CNTLN: variants seen among roughly 807,000 people sequenced by gnomAD.
CNTLN encodes centlein, also known as centlein, centrosomal protein.
In CNTLN, 212 loss-of-function variants were observed where a neutral mutation model predicts 180.0. The ratio of observed to expected loss-of-function variants is 1.18; its 90% confidence interval spans 1.05 to 1.32. The LOEUF is 1.32. Ranked by LOEUF, CNTLN falls within the 40% of genes most tolerant of loss-of-function variation. The probability of loss-of-function intolerance (pLI) is 0.00; values close to 1 mark genes in which losing one functional copy is unlikely to be tolerated. For synonymous variants in CNTLN, 722 were observed against 563.1 expected (o/e 1.28, Z -3.99); for missense variants, 2,095 against 1,610.9 (o/e 1.30, Z -5.14).
intron 18 of CNTLN, among the ~76,000 whole-genome samples, chr9:17,452,900 T>G (rs1830868510): frequency 1.3e-5 from 2 of 152,166 alleles, no homozygotes; most frequent in Admixed American, 1.3e-4. Flanking sequence ...AAGCTTCTGG[T>G]CAGAGGCTTT....
intron 1 of CNTLN, among the ~76,000 whole-genome samples, chr9:17,140,450 T>G (rs1818010669): frequency 6.6e-6 from 1 of 152,164 alleles, no homozygotes; most frequent in Non-Finnish European, 1.5e-5. Context: ...TATGTTTTTT[T>G]CTTTGTTTTT....
chr9:17,312,157 A>G (rs952122410), intron 8 of CNTLN, among the ~76,000 whole-genome samples: 7 of 151,712 alleles, frequency 4.6e-5, no homozygotes, highest in African/African-American at 1.7e-4. Flanking sequence ...GAGCTCCTCA[A>G]TTTCTACAAA....
At chr9:17,149,740 A>G (rs1485804389) in intron 2 of CNTLN, among the ~76,000 whole-genome samples, 2 of 151,814 alleles carry the variant, frequency 1.3e-5, no homozygotes, top group Admixed American at 1.3e-4. Flanking sequence ...GATGGTCTCG[A>G]TCTCCTGATC....
intron 18 of CNTLN, among the ~76,000 whole-genome samples, chr9:17,442,143 A>G (rs1830147651): frequency 6.6e-6 from 1 of 152,172 alleles, no homozygotes; most frequent in African/African-American, 2.4e-5. Context: ...GAATCAGAGG[A>G]CTTGAACAAG....
intron 2 of CNTLN, among the ~76,000 whole-genome samples, chr9:17,198,392 T>C (rs946705494): frequency 6.6e-6 from 1 of 150,382 alleles, no homozygotes; most frequent in Non-Finnish European, 1.5e-5. Context: ...CTTTCTTTTT[T>C]TTTTTTTTTT....
chr9:17,341,458 T>A (rs1416000668), intron 11 of CNTLN, among the ~76,000 whole-genome samples: 2 of 152,178 alleles, frequency 1.3e-5, no homozygotes, highest in Non-Finnish European at 2.9e-5. Context: ...CTTATGTGAA[T>A]GAATTGGCGG....
In CNTLN at chr9:17,235,776, A is replaced by G; in HGVS notation, c.653A>G (p.Lys218Arg). The G allele has an allele frequency of 6.2e-7, 1 of 1,605,210 alleles. No individual in the cohort carries two copies. The change falls in exon 4 of 26, where the codon AAA (lysine) becomes AGA (arginine). Residue 218 changes from lysine to arginine, a missense_variant. By Grantham distance (26) the Lys-to-Arg change is conservative (BLOSUM62 2). Coordinates refer to ENST00000380647, the MANE Select transcript of CNTLN (RefSeq NM_017738.4). Reference protein sequence around the residue: ...FSDLEKKFKDKSQEIKDTKEC... With the variant: ...FSDLEKKFKDRSQEIKDTKEC... Reference sequence around the variant, plus strand: ...GACTTGGAGAAGAAATTTAAAGATAAAAGTCAAGAAATTAAGGTGTGTTGA... The same window carrying G: ...GACTTGGAGAAGAAATTTAAAGATAGAAGTCAAGAAATTAAGGTGTGTTGA...
At chr9:17,279,872 GA>G (rs1477787940) in intron 6 of CNTLN, among the ~76,000 whole-genome samples, 1 of 78,714 alleles carries the variant, frequency 1.3e-5, no homozygotes, top group Non-Finnish European at 2.5e-5. Context: ...TCTCATGAAT[GA>G]ATTAATCCAC....
At chr9:17,265,329 A>T (rs562627780) in intron 5 of CNTLN, among the ~76,000 whole-genome samples, 1 of 152,132 alleles carries the variant, frequency 6.6e-6, no homozygotes, top group East Asian at 1.9e-4. Flanking sequence ...TTCTGTTTAT[A>T]TGCTGGATTA....
chr9:17,265,323 G>A (rs11560448), intron 5 of CNTLN, among the ~76,000 whole-genome samples: 79,429 of 151,852 alleles, frequency 0.52, 21,939 homozygotes, highest in South Asian at 0.77. Context: ...CTTTAGTTCT[G>A]TTTATATGCT....
In CNTLN at chr9:17,282,679, G is replaced by A. The variant is rs949399988; in HGVS notation, c.983+8813G>A. On this transcript the variant is annotated intron_variant, in intron 6 of 25. Transcript: ENST00000380647. ...TTTGCCCGGGCCTATATCCTGAATG[G>A]TTTCAGTAGATTTCCTTCTAGGATT... Among the ~76,000 whole-genome samples, 16 of 152,202 alleles carry A rather than the reference G, an allele frequency of 1.1e-4. 1 individual carries two copies. The South Asian group carries it at 2.5e-3, about 24-fold the overall frequency.
intron 10 of CNTLN, among the ~76,000 whole-genome samples, chr9:17,336,705 C>T (rs1821062857): frequency 6.6e-6 from 1 of 152,104 alleles, no homozygotes; most frequent in African/African-American, 2.4e-5. Context: ...ATCTATAAAA[C>T]CTTTTTTTAA....
intron 18 of CNTLN, among the ~76,000 whole-genome samples, chr9:17,428,415 C>T (rs1193974523): frequency 6.6e-6 from 1 of 152,128 alleles, no homozygotes; most frequent in Non-Finnish European, 1.5e-5. Context: ...AGATTAGATA[C>T]TATTTTTATC....
At chr9:17,203,494 C>T (rs985718832) in intron 2 of CNTLN, among the ~76,000 whole-genome samples, 2 of 152,144 alleles carry the variant, frequency 1.3e-5, no homozygotes, top group Non-Finnish European at 2.9e-5. Context: ...GGTCTTGTCA[C>T]ATAGTGCCCT....
chr9:17,448,237 A>C (rs983857439), intron 18 of CNTLN: 1 of 165,794 alleles, frequency 6.0e-6, no homozygotes, highest in Non-Finnish European at 1.3e-5. Context: ...ATCACTCAAA[A>C]AATTCACTTG....
the CNTLN span, among the ~76,000 whole-genome samples, chr9:17,515,825 C>A: frequency 6.6e-6 from 1 of 152,168 alleles, no homozygotes; most frequent in Non-Finnish European, 1.5e-5. Context: ...ATATTCACCA[C>A]CCAGCTTTCA....
At chr9:17,397,068 C>G (rs1274860981) in intron 15 of CNTLN, among the ~76,000 whole-genome samples, 1 of 152,150 alleles carries the variant, frequency 6.6e-6, no homozygotes, top group Non-Finnish European at 1.5e-5. Flanking sequence ...TTGGTACTAC[C>G]ACACTATTCA....
intron 1 of CNTLN, among the ~76,000 whole-genome samples, chr9:17,138,302 A>C (rs1647646524): frequency 6.6e-6 from 1 of 152,234 alleles, no homozygotes; most frequent in Admixed American, 6.5e-5. Context: ...AGCATTTATA[A>C]AGCTTATTTT....
At chr9:17,173,826 A>G (rs1820555380) in intron 2 of CNTLN, among the ~76,000 whole-genome samples, 1 of 152,196 alleles carries the variant, frequency 6.6e-6, no homozygotes, top group Non-Finnish European at 1.5e-5. Flanking sequence ...ACAGGAAATA[A>G]TACAGAGATT....
Sources: gnomAD v4.1 joint callset for allele counts (sites outside exome capture counted in the v4.1 genomes callset) on GRCh38, gnomAD v4.1.1 for gene constraint, MANE v1.5 for transcripts, NCBI Gene and HGNC (gene_info 2026-07-23, HGNC 2026-07-21) for gene names.